Variants in PPIL4 observed in about 807,000 individuals in gnomAD.
PPIL4 encodes peptidyl-prolyl cis-trans isomerase-like 4.
Under a neutral mutation model 69.1 loss-of-function variants are expected in PPIL4, and 50 were observed. That is an observed-to-expected ratio of 0.72 (90% CI 0.58 to 0.92). PPIL4 has a LOEUF of 0.92. Among genes scored for constraint, PPIL4 ranks in the 40% least tolerant of loss-of-function variants. PPIL4 has a pLI of 0.00. For synonymous variants in PPIL4, 193 were observed against 191.6 expected (o/e 1.01, Z -0.06); for missense variants, 480 against 587.9 (o/e 0.82, Z 1.90).
intron 7 of PPIL4, among the ~76,000 whole-genome samples, chr6:149,529,107 T>C (rs746632671): frequency 6.6e-6 from 1 of 151,986 alleles, no homozygotes; most frequent in East Asian, 1.9e-4. Context: ...GGCGTGTGCC[T>C]ATAGTCCCAG....
chr6:149,514,789 T>A (rs1017839653), intron 11 of PPIL4, among the ~76,000 whole-genome samples: 4 of 144,106 alleles, frequency 2.8e-5, no homozygotes, highest in African/African-American at 1.0e-4. Context: ...TGTGTGTGTG[T>A]GAATGTTTGT....
intron 11 of PPIL4, among the ~76,000 whole-genome samples, chr6:149,513,412 A>AAAAATATAT (rs1554215970): frequency 9.0e-5 from 5 of 55,328 alleles, no homozygotes; most frequent in African/African-American, 3.8e-4. Context: ...AAAAAAAAAA[A>AAAAATATAT]ATATATATAT....
Position 149,505,687 on chromosome 6 carries a change from C to T in PPIL4, c.1245G>A (p.Met415Ile), listed in dbSNP as rs775078774. 3.1e-6 allele frequency: 5 copies of T among 1,613,410 alleles called. No homozygotes were observed. In the South Asian group the frequency reaches 4.4e-5, roughly 14 times the overall value. ...CTTCTTCTTCATAGTGACCAAACCCCATTTCTCTATAGATATCCTGTCAAA... is the reference window on the plus strand; with the variant it reads ...CTTCTTCTTCATAGTGACCAAACCCTATTTCTCTATAGATATCCTGTCAAA... ...KNTNQDIYREMGFGHYEEEES... is the reference protein window; with the variant it reads ...KNTNQDIYREIGFGHYEEEES... Residue 415 changes from methionine (M) to isoleucine (I), a missense_variant, in exon 13 of 13, where the codon ATG becomes ATA. By Grantham distance (10) the Met-to-Ile change is conservative. Transcript: ENST00000253329.
chr6:149,513,157 G>T (rs12661446), intron 11 of PPIL4, among the ~76,000 whole-genome samples: 1 of 148,108 alleles, frequency 6.8e-6, no homozygotes, highest in South Asian at 2.1e-4. Flanking sequence ...AAGCCAAGGC[G>T]GGCGACTCAC....
At chr6:149,538,792 A>T (rs1159378148) in intron 4 of PPIL4, among the ~76,000 whole-genome samples, 2 of 152,152 alleles carry the variant, frequency 1.3e-5, no homozygotes, top group Non-Finnish European at 2.9e-5. Context: ...TCTCATGATC[A>T]AACCTGACCA....
At chr6:149,541,678 C>T (rs1448210868) in intron 1 of PPIL4, 92 bp from the exon 2 acceptor site, 32 of 723,692 alleles carry the variant, frequency 4.4e-5, no homozygotes, top group Non-Finnish European at 7.0e-5. Flanking sequence ...TTCTAAATTA[C>T]TATTAAAAGA....
At chr6:149,518,422 C>A (rs1454074849) in intron 10 of PPIL4, among the ~76,000 whole-genome samples, 1 of 152,166 alleles carries the variant, frequency 6.6e-6, no homozygotes, top group Admixed American at 6.5e-5. Context: ...TGTAGAAAGG[C>A]TTCCTACAGA....
Position 149,525,147 on chromosome 6 carries a change from T to C in PPIL4, c.866A>G (p.Glu289Gly). 1 of 1,517,856 alleles carries C rather than the reference T, an allele frequency of 6.6e-7. No homozygotes were observed. The highest frequency in any genetic ancestry group is 9.1e-7 in the Non-Finnish European group (1 of 1,104,514). The allele number at this position is 1,517,856 out of a possible 1,614,324, so 94.0% of individuals were successfully genotyped here. A position where few individuals can be genotyped will look rare whatever the true frequency, so the allele number is the denominator to read the frequency against. Residue 289 changes from glutamate to glycine, a missense_variant, in exon 9 of 13, where the codon GAA becomes GGA. Physicochemically the swap from Glu to Gly is moderately conservative, Grantham distance 98. Coordinates refer to ENST00000253329, the MANE Select transcript of PPIL4 (RefSeq NM_139126.4). ...TATGTCTGTATTATGACATACCTTT[T>C]CAAATTCAATAAAAGCGTAACAGAG... The part of the protein sequence containing the change: ...ESLCYAFIEF[E>G]KEEDCEKAFF...
At chr6:149,518,824 A>T (rs1291699998) in intron 10 of PPIL4, among the ~76,000 whole-genome samples, 4 of 152,190 alleles carry the variant, frequency 2.6e-5, no homozygotes, top group Non-Finnish European at 5.9e-5. Flanking sequence ...GTAAGACACC[A>T]CTTCTCTGCA....
chr6:149,510,233 A>G (rs1562255651), intron 12 of PPIL4, among the ~76,000 whole-genome samples: 1 of 152,208 alleles, frequency 6.6e-6, no homozygotes, highest in Non-Finnish European at 1.5e-5. Flanking sequence ...AACTACATAT[A>G]TCAAATATTT....
chr6:149,532,413 A>G (rs1260868509), intron 7 of PPIL4, among the ~76,000 whole-genome samples: 1 of 152,136 alleles, frequency 6.6e-6, no homozygotes, highest in Admixed American at 6.6e-5. Context: ...TTTCTGCCCA[A>G]TTGTTCAACA....
At chr6:149,539,388 AT>A (rs1475907696) in intron 4 of PPIL4, among the ~76,000 whole-genome samples, 3 of 151,718 alleles carry the variant, frequency 2.0e-5, no homozygotes, top group African/African-American at 7.3e-5. Context: ...TGTCTTATTT[AT>A]TTATTTATTT....
chr6:149,508,450 C>A (rs1481511184), intron 12 of PPIL4, among the ~76,000 whole-genome samples: 1 of 152,030 alleles, frequency 6.6e-6, no homozygotes, highest in Non-Finnish European at 1.5e-5. Context: ...AAACGAAGAA[C>A]ACAAAATGGC....
At chr6:149,519,555 C>A (rs962175731) in intron 10 of PPIL4, among the ~76,000 whole-genome samples, 1 of 152,176 alleles carries the variant, frequency 6.6e-6, no homozygotes, top group Non-Finnish European at 1.5e-5. Flanking sequence ...GCCATGTGTT[C>A]TAGGAGGAGG....
intron 4 of PPIL4, among the ~76,000 whole-genome samples, chr6:149,535,988 A>G (rs528072454): frequency 6.6e-6 from 1 of 152,330 alleles, no homozygotes; most frequent in East Asian, 1.9e-4. Flanking sequence ...GAGTAAGTCT[A>G]TTGGTGCCAT....
chr6:149,522,756 G>T (rs113219790), intron 9 of PPIL4, among the ~76,000 whole-genome samples: 237 of 152,188 alleles, frequency 1.6e-3, no homozygotes, highest in Non-Finnish European at 2.3e-3. Flanking sequence ...GGGACTACAG[G>T]CACGCACCAC....
At chr6:149,540,669 A>G (rs1777344891) in intron 4 of PPIL4, among the ~76,000 whole-genome samples, 1 of 152,184 alleles carries the variant, frequency 6.6e-6, no homozygotes, top group Admixed American at 6.5e-5. Flanking sequence ...ATGAGCCACA[A>G]ATGTGAACAG....
At chr6:149,519,013 TGAG>T (rs1776988320) in intron 10 of PPIL4, among the ~76,000 whole-genome samples, 1 of 152,228 alleles carries the variant, frequency 6.6e-6, no homozygotes. Context: ...CAAAATTAAC[TGAG>T]AATAATAAAC....
chr6:149,542,453 G>A (rs1327178579), intron 1 of PPIL4, among the ~76,000 whole-genome samples: 1 of 152,156 alleles, frequency 6.6e-6, no homozygotes, highest in Non-Finnish European at 1.5e-5. Context: ...CTCCCAAAAA[G>A]TTCACAGTCT....
Sources: allele counts gnomAD v4.1 joint callset (sites outside exome capture counted in the v4.1 genomes callset), GRCh38; gene constraint gnomAD v4.1.1; transcripts MANE v1.5; gene names NCBI Gene and HGNC (gene_info 2026-07-23, HGNC 2026-07-21).